The following INPP5A variants were observed in gnomAD, a reference collection of about 807,000 sequenced individuals.
INPP5A encodes inositol polyphosphate-5-phosphatase A.
Under a neutral mutation model 65.2 loss-of-function variants are expected in INPP5A, and 14 were observed. The observed-to-expected ratio is 0.21, with a 90% CI of 0.14 to 0.34. INPP5A has a LOEUF of 0.34. INPP5A is among the 10% of genes least tolerant of loss of function. The pLI is 1.00. For missense variants in INPP5A, 431 were observed against 545.6 expected (o/e 0.79, Z 2.09); for synonymous variants, 207 against 208.3 (o/e 0.99, Z 0.05).
rs909464701 is a variant in INPP5A, at chr10:132,727,905, C to T, written c.732+1000C>T. Among the ~76,000 whole-genome samples, 4 of 152,124 alleles carry T rather than the reference C, an allele frequency of 2.6e-5. No individual in the cohort carries two copies. The highest frequency in any genetic ancestry group is 4.8e-5 in the African/African-American group (2 of 41,410). On this transcript the variant is annotated intron_variant, in intron 9 of 15. Transcript: ENST00000368594. This position sits in a 1 kb window ranked among gnomAD's most constrained non-coding sequence, Gnocchi z 6.5. ...AGTCGAACGGGGACATGGCGGTCCC[C>T]GAGACTGTTATCTTCCCATTTTAGT... is the stretch of plus-strand genomic sequence containing the variant.
chr10:132,720,400 T>A (rs1845846843), intron 8 of INPP5A, among the ~76,000 whole-genome samples: 1 of 140,164 alleles, frequency 7.1e-6, no homozygotes, highest in Non-Finnish European at 1.5e-5. Flanking sequence ...TAGACGGCTG[T>A]CTTGCGGGTT....
chr10:132,593,601 G>A (rs896505074), intron 1 of INPP5A, among the ~76,000 whole-genome samples: 4 of 152,126 alleles, frequency 2.6e-5, no homozygotes, highest in African/African-American at 9.7e-5. Flanking sequence ...GACTGGGGTC[G>A]GGGGGTAGTC....
At chr10:132,643,642 G>A (rs543521452) in intron 2 of INPP5A, among the ~76,000 whole-genome samples, 1 of 152,340 alleles carries the variant, frequency 6.6e-6, no homozygotes, top group South Asian at 2.1e-4. Flanking sequence ...AAGTCAAAGG[G>A]CATAAAAGCA....
At chr10:132,710,510 G>A in intron 8 of INPP5A, 54 bp downstream of exon 8, 1 of 1,589,882 alleles carries the variant, frequency 6.3e-7, no homozygotes, top group Admixed American at 1.8e-5. Flanking sequence ...GTGCTGGGCA[G>A]GCAGGTGTGA....
Position 132,555,719 on chromosome 10 carries a change from C to T in INPP5A, c.75+17548C>T, listed in dbSNP as rs577255662. 2.6e-5 allele frequency among the ~76,000 whole-genome samples: 4 copies of T among 152,256 alleles called. No individual in the cohort carries two copies. The highest frequency in any genetic ancestry group is 5.9e-5 in the Non-Finnish European group (4 of 68,008). ...ACCTTGACAATTTTAGTTTAGTTTT[C>T]GTGCAGAGTGACCCAGACAGGCACA... On this transcript the variant is annotated intron_variant, in intron 1 of 15. Coordinates refer to ENST00000368594, the MANE Select transcript of INPP5A (RefSeq NM_005539.5). The surrounding 1 kb of genome is among the most constrained non-coding windows in gnomAD (Gnocchi z 4.4).
chr10:132,656,444 C>A (rs1007820431), intron 4 of INPP5A, among the ~76,000 whole-genome samples: 1 of 152,236 alleles, frequency 6.6e-6, no homozygotes, highest in Non-Finnish European at 1.5e-5. Flanking sequence ...CACCCCTGCC[C>A]CCGCCAGCTG....
intron 4 of INPP5A, among the ~76,000 whole-genome samples, chr10:132,671,160 G>C (rs539413672): frequency 5.9e-5 from 9 of 152,238 alleles, no homozygotes; most frequent in Admixed American, 3.3e-4. Flanking sequence ...GCCTCCATCT[G>C]TCAGGAGTGT....
intron 1 of INPP5A, among the ~76,000 whole-genome samples, chr10:132,560,075 T>C (rs979432132): frequency 1.3e-5 from 2 of 152,084 alleles, no homozygotes; most frequent in African/African-American, 4.8e-5. Context: ...GTAGACCTGC[T>C]TGTGGAATTG....
chr10:132,714,034 G>C (rs968954505), intron 8 of INPP5A, among the ~76,000 whole-genome samples: 2 of 152,154 alleles, frequency 1.3e-5, no homozygotes, highest in Non-Finnish European at 2.9e-5. Context: ...CAAGCGTCTC[G>C]GGGACCTCCC....
chr10:132,680,491 G>C (rs1488190425), intron 4 of INPP5A, among the ~76,000 whole-genome samples: 1 of 152,260 alleles, frequency 6.6e-6, no homozygotes, highest in African/African-American at 2.4e-5. Context: ...AGAGGTGACA[G>C]CGTGCTGGCA....
chr10:132,755,044 T>G (rs1406410444), intron 11 of INPP5A, among the ~76,000 whole-genome samples: 1 of 151,058 alleles, frequency 6.6e-6, no homozygotes, highest in Non-Finnish European at 1.5e-5. Flanking sequence ...TGTGATCGTA[T>G]GCATGTGTGT....
chr10:132,633,129 G>A (rs953851468), intron 2 of INPP5A, among the ~76,000 whole-genome samples: 4 of 152,170 alleles, frequency 2.6e-5, no homozygotes, highest in Non-Finnish European at 4.4e-5. Flanking sequence ...CAACAAAGGT[G>A]CCCTGTCCCT....
rs559280575 is a variant in INPP5A at position 132,672,665 on chromosome 10, A to G, written c.307-17727A>G. ...ATTCCTCAGTCTCGGGTATGTATTT[A>G]TCAGCAGTGTGAAAACAAACTAATA... On this transcript the variant is annotated intron_variant, in intron 4 of 15. Transcript: ENST00000368594. 3.9e-5 allele frequency among the ~76,000 whole-genome samples: 6 copies of G among 152,346 alleles called. No homozygotes were observed. In the South Asian group the frequency reaches 1.2e-3, roughly 32 times the overall value.
At chr10:132,580,200 T>G (rs1313378621) in intron 1 of INPP5A, among the ~76,000 whole-genome samples, 1 of 152,184 alleles carries the variant, frequency 6.6e-6, no homozygotes, top group African/African-American at 2.4e-5. Flanking sequence ...ATGGTTTGGC[T>G]CTGTGTCCCC....
At chr10:132,654,697 A>G (rs1271213026) in intron 4 of INPP5A, among the ~76,000 whole-genome samples, 2 of 152,254 alleles carry the variant, frequency 1.3e-5, no homozygotes, top group Non-Finnish European at 2.9e-5. Context: ...TGGTTCAAAT[A>G]ATAGGCCATT....
rs1231717370 is a variant in INPP5A at position 132,741,266 on chromosome 10, A to G, written c.733-8251A>G. 1.3e-5 allele frequency among the ~76,000 whole-genome samples: 2 copies of G among 152,196 alleles called. No individual in the cohort carries two copies. The highest frequency in any genetic ancestry group is 2.9e-5 in the Non-Finnish European group (2 of 68,032). On this transcript the variant is annotated intron_variant, in intron 9 of 15. Transcript: ENST00000368594. The surrounding 1 kb of genome is among the most constrained non-coding windows in gnomAD (Gnocchi z 4.4). ...CCTAAAAATAGAGATAAATAAAAAA[A>G]GGGACACCGCCTGTCTTGGGTTGAC...
rs925374953 is a variant in INPP5A, at chr10:132,587,731, T to C, written c.76-20184T>C. On this transcript the variant is annotated intron_variant, in intron 1 of 15. Transcript: ENST00000368594. This position sits in a 1 kb window ranked among gnomAD's most constrained non-coding sequence, Gnocchi z 4.3. ...TTGTTTCTTAGAATTTGGCCGGGCA[T>C]GGTGGCTCATGCCTGTAATCCCCCA... Among the ~76,000 whole-genome samples the C allele has an allele frequency of 7.2e-5, 11 of 152,274 alleles. No homozygotes were observed. Among genetic ancestry groups the C allele is most frequent in the African/African-American group, 2.4e-4 (10 of 41,560 alleles).
chr10:132,610,233 G>A (rs537648680), intron 2 of INPP5A, among the ~76,000 whole-genome samples: 5 of 152,328 alleles, frequency 3.3e-5, no homozygotes, highest in South Asian at 2.1e-4. Flanking sequence ...GTGAGGGACC[G>A]GAAAGGTCGA....
chr10:132,686,241 TGGCCTCCG>T (rs1445791579), intron 4 of INPP5A, among the ~76,000 whole-genome samples: 1 of 152,236 alleles, frequency 6.6e-6, no homozygotes, highest in Non-Finnish European at 1.5e-5. Context: ...GGCTGTGCCG[TGGCCTCCG>T]GGGGCTGGAG....
Sources: allele counts gnomAD v4.1 joint callset (sites outside exome capture counted in the v4.1 genomes callset), GRCh38; gene constraint gnomAD v4.1.1; non-coding constraint Gnocchi (gnomAD v3.1); transcripts MANE v1.5; gene names NCBI Gene and HGNC (gene_info 2026-07-23, HGNC 2026-07-21).